The following ADARB2 variants were observed in gnomAD, a reference collection of about 807,000 sequenced individuals.
ADARB2 encodes inactive double-stranded RNA-specific editase B2.
In ADARB2, 25 loss-of-function variants were observed where a neutral mutation model predicts 62.2. That is an observed-to-expected ratio of 0.40 (90% CI 0.29 to 0.56). The LOEUF is 0.56. Ranked by LOEUF, ADARB2 falls within the 20% of genes least tolerant of loss-of-function variation. The pLI is 0.43. For missense variants in ADARB2, 1,071 were observed against 1,077.4 expected (o/e 0.99, Z 0.08); for synonymous variants, 572 against 500.8 (o/e 1.14, Z -1.90).
chr10:1,721,382 A>C (rs1434823073), intron 1 of ADARB2, among the ~76,000 whole-genome samples: 1 of 152,256 alleles, frequency 6.6e-6, no homozygotes, highest in African/African-American at 2.4e-5. Context: ...CACAGACTTT[A>C]AAAGTACCAC....
chr10:1,688,747 G>A (rs992883465), intron 1 of ADARB2, among the ~76,000 whole-genome samples: 5 of 152,158 alleles, frequency 3.3e-5, no homozygotes, highest in African/African-American at 9.7e-5. Flanking sequence ...AGAGGGGAAT[G>A]GTGACTTACG....
At chr10:1,627,262 G>T (rs993041212) in intron 1 of ADARB2, among the ~76,000 whole-genome samples, 1 of 152,140 alleles carries the variant, frequency 6.6e-6, no homozygotes, top group African/African-American at 2.4e-5. Context: ...CAAGGCAACT[G>T]AAGATTAGAC....
At chr10:1,276,988 A>G (rs1223314607) in intron 3 of ADARB2, among the ~76,000 whole-genome samples, 1 of 152,210 alleles carries the variant, frequency 6.6e-6, no homozygotes, top group Non-Finnish European at 1.5e-5. Context: ...AAACTGAACA[A>G]CCTGCTCCTG....
intron 1 of ADARB2, among the ~76,000 whole-genome samples, chr10:1,525,866 C>A (rs1370887754): frequency 6.6e-6 from 1 of 151,306 alleles, no homozygotes; most frequent in Non-Finnish European, 1.5e-5. Context: ...CGCGTGTCTG[C>A]GTGCGTTTAT....
chr10:1,252,911 A>G (rs144934113), intron 4 of ADARB2, among the ~76,000 whole-genome samples: 48 of 152,280 alleles, frequency 3.2e-4, no homozygotes, highest in African/African-American at 1.1e-3. Context: ...TATTCTCTAA[A>G]CATTTCAAAT....
At chr10:1,722,961 A>G (rs550287267) in intron 1 of ADARB2, among the ~76,000 whole-genome samples, 2 of 152,332 alleles carry the variant, frequency 1.3e-5, no homozygotes, top group African/African-American at 2.4e-5. Flanking sequence ...ACACGCACAC[A>G]CAGGTGTGCA....
At chr10:1,409,163 G>T (rs576680770) in intron 1 of ADARB2, among the ~76,000 whole-genome samples, 1 of 149,118 alleles carries the variant, frequency 6.7e-6, no homozygotes, top group African/African-American at 2.5e-5. Context: ...CATCCAGCCC[G>T]GGGCAGGTAT....
chr10:1,348,224 T>G (rs1246782430), intron 3 of ADARB2, among the ~76,000 whole-genome samples: 2 of 152,118 alleles, frequency 1.3e-5, no homozygotes, highest in East Asian at 3.9e-4. Context: ...ATTTCCCTGT[T>G]GTTTCTAAAC....
intron 1 of ADARB2, among the ~76,000 whole-genome samples, chr10:1,413,344 G>A (rs529275338): frequency 2.6e-5 from 4 of 152,244 alleles, no homozygotes; most frequent in South Asian, 2.1e-4. Flanking sequence ...GGTTAGAAAC[G>A]GCGTCGGGTC....
At chr10:1,665,720 C>A (rs1389278693) in intron 1 of ADARB2, among the ~76,000 whole-genome samples, 3 of 152,200 alleles carry the variant, frequency 2.0e-5, no homozygotes, top group African/African-American at 4.8e-5. Context: ...TGGCACAGGC[C>A]GGGGTCCGGG....
intron 1 of ADARB2, among the ~76,000 whole-genome samples, chr10:1,564,598 A>G (rs1196619162): frequency 6.6e-6 from 1 of 152,182 alleles, no homozygotes; most frequent in Non-Finnish European, 1.5e-5. Flanking sequence ...AAAGTGGGCA[A>G]AGGTCATGAA....
chr10:1,472,480 G>A (rs1361089717), intron 1 of ADARB2, among the ~76,000 whole-genome samples: 1 of 152,066 alleles, frequency 6.6e-6, no homozygotes, highest in East Asian at 1.9e-4. Context: ...CTGGACCGTG[G>A]GGGTGTACCC....
chr10:1,631,380 T>C (rs1290311565), intron 1 of ADARB2, among the ~76,000 whole-genome samples: 1 of 151,984 alleles, frequency 6.6e-6, no homozygotes, highest in African/African-American at 2.4e-5. Flanking sequence ...CTGCCTCGGG[T>C]TCCACTGTGA....
At position 1,183,485 on chromosome 10, in the gene ADARB2, C is replaced by T. The variant is rs530269674; in HGVS notation, c.2044-116G>A. 4.0e-5 allele frequency: 52 copies of T among 1,291,998 alleles called. No individual in the cohort carries two copies. In the East Asian group the frequency reaches 1.2e-3, roughly 31 times the overall value. The allele number at this position is 1,291,998 out of a possible 1,614,324, so 80.0% of individuals were successfully genotyped here. The stretch of plus-strand genomic sequence containing the variant: ...GCCTTGGCCTTCTGCCTTTCTTTCT[C>T]CCACTATTACAGAGAGCAACTGTGA... On this transcript the variant is annotated intron_variant, in intron 9 of 9. Transcript: ENST00000381312.
chr10:1,429,332 G>A (rs1162589243), intron 1 of ADARB2, among the ~76,000 whole-genome samples: 1 of 152,172 alleles, frequency 6.6e-6, no homozygotes, highest in African/African-American at 2.4e-5. Context: ...TGTTTTAGCT[G>A]ATGAAATTAC....
chr10:1,683,845 C>T (rs1162022999), intron 1 of ADARB2, among the ~76,000 whole-genome samples: 4 of 152,204 alleles, frequency 2.6e-5, no homozygotes, highest in Non-Finnish European at 5.9e-5. Context: ...GGCGGTGGGG[C>T]TGAGTCCGAG....
rs1049648753 is a variant in ADARB2 at position 1,255,328 on chromosome 10, C to T, written c.1193-13029G>A. Among the ~76,000 whole-genome samples, 2 of 152,258 alleles carry T rather than the reference C, an allele frequency of 1.3e-5. No homozygotes were observed. The highest frequency in any genetic ancestry group is 2.4e-5 in the African/African-American group (1 of 41,476). ...ATCACTGGCCCTGGGTGCCACGTCA[C>T]GTAGCTTGTCCTCGTCAGTGCAGCT... On this transcript the variant is annotated intron_variant, in intron 4 of 9. Transcript: ENST00000381312. This position sits in a 1 kb window ranked among gnomAD's most constrained non-coding sequence, Gnocchi z 4.7.
chr10:1,649,309 G>A (rs1834082357), intron 1 of ADARB2, among the ~76,000 whole-genome samples: 1 of 152,190 alleles, frequency 6.6e-6, no homozygotes, highest in African/African-American at 2.4e-5. Context: ...AATTTGAAGG[G>A]AATTTTCAAA....
chr10:1,473,919 C>T (rs534103974), intron 1 of ADARB2, among the ~76,000 whole-genome samples: 5 of 4,704 alleles, frequency 1.1e-3, no homozygotes, highest in Non-Finnish European at 1.6e-3. Flanking sequence ...GAAGCGTGGC[C>T]GATTACGGAG....
Sources: gnomAD v4.1 joint callset for allele counts (sites outside exome capture counted in the v4.1 genomes callset) on GRCh38, gnomAD v4.1.1 for gene constraint, Gnocchi (gnomAD v3.1) non-coding constraint, MANE v1.5 for transcripts, NCBI Gene and HGNC (gene_info 2026-07-23, HGNC 2026-07-21) for gene names.